Variants in CSMD1 observed in about 807,000 individuals in gnomAD.
CSMD1 encodes CUB and sushi domain-containing protein 1.
In CSMD1, 213 loss-of-function variants were observed where a neutral mutation model predicts 417.5. That is an observed-to-expected ratio of 0.51 (90% CI 0.46 to 0.57). The LOEUF (loss-of-function observed/expected upper bound fraction) is 0.57. CSMD1 is among the 20% of genes least tolerant of loss of function. The probability of loss-of-function intolerance (pLI) is 0.00; values close to 1 mark genes in which losing one functional copy is unlikely to be tolerated. For synonymous variants in CSMD1, 2,862 were observed against 1,736.8 expected, an observed-to-expected ratio of 1.65 and a Z score of -16.11; for missense variants, 6,923 against 4,529.7, an observed-to-expected ratio of 1.53 and a Z score of -15.17.
At chr8:4,912,372 T>C (rs1805749621) in intron 1 of CSMD1, among the ~76,000 whole-genome samples, 1 of 146,782 alleles carries the variant, frequency 6.8e-6, no homozygotes, top group Non-Finnish European at 1.5e-5. Flanking sequence ...TTTTTTTTTT[T>C]TTTCTTTTCA....
At chr8:3,878,084 G>C (rs529041676) in intron 5 of CSMD1, among the ~76,000 whole-genome samples, 3 of 151,922 alleles carry the variant, frequency 2.0e-5, no homozygotes, top group Non-Finnish European at 4.4e-5. Flanking sequence ...TTGAACATTT[G>C]CTATCAGCTT....
intron 3 of CSMD1, among the ~76,000 whole-genome samples, chr8:4,070,652 C>A (rs112866541): frequency 2.3e-4 from 35 of 152,066 alleles, no homozygotes; most frequent in Non-Finnish European, 4.9e-4. Flanking sequence ...CCACCGTGCC[C>A]GGCCACCACC....
At chr8:4,638,478 T>G (rs572257055) in intron 1 of CSMD1, among the ~76,000 whole-genome samples, 66 of 152,164 alleles carry the variant, frequency 4.3e-4, no homozygotes, top group African/African-American at 1.4e-3. Context: ...GACGCTAAAA[T>G]GAAAGAGCAG....
chr8:4,539,832 A>G lies in CSMD1; in HGVS notation c.302+97510T>C, dbSNP rs116997727. Among the ~76,000 whole-genome samples, 551 of 152,276 alleles carry G rather than the reference A, an allele frequency of 3.6e-3. 4 individuals carry two copies. Among genetic ancestry groups the G allele is most frequent in the South Asian group, 0.014 (66 of 4,834 alleles). ...ATGGGTTAAGCATTATGTGTATGAAATAGTTTTCCCAAACTCTTTTCTGGG... is the reference window on the plus strand; with the variant it reads ...ATGGGTTAAGCATTATGTGTATGAAGTAGTTTTCCCAAACTCTTTTCTGGG... On this transcript the variant is annotated intron_variant, in intron 2 of 69. Transcript: ENST00000635120.
chr8:4,925,260 G>A (rs1021743372), intron 1 of CSMD1, among the ~76,000 whole-genome samples: 3 of 78,818 alleles, frequency 3.8e-5, no homozygotes, highest in African/African-American at 1.4e-4. Flanking sequence ...CCCACTTTTG[G>A]TTCTGGGAAG....
chr8:4,118,121 T>A (rs1476282462), intron 3 of CSMD1, among the ~76,000 whole-genome samples: 1 of 151,902 alleles, frequency 6.6e-6, no homozygotes, highest in Non-Finnish European at 1.5e-5. Flanking sequence ...GTGTACAGAA[T>A]AGTGAGGAAA....
intron 6 of CSMD1, among the ~76,000 whole-genome samples, chr8:3,711,488 G>A (rs1391707733): frequency 2.0e-5 from 3 of 152,162 alleles, no homozygotes; most frequent in East Asian, 3.9e-4. Flanking sequence ...GTTCATGAAC[G>A]TCCTGCACTA....
intron 1 of CSMD1, among the ~76,000 whole-genome samples, chr8:4,645,634 AAG>A (rs569364147): frequency 7.8e-4 from 119 of 152,154 alleles, no homozygotes; most frequent in Non-Finnish European, 1.4e-3. Context: ...GACTGGCAAA[AAG>A]AGATGTCGAA....
chr8:3,270,662 A>C (rs1031756081), intron 26 of CSMD1, among the ~76,000 whole-genome samples: 2 of 152,208 alleles, frequency 1.3e-5, no homozygotes, highest in African/African-American at 4.8e-5. Context: ...CTACAGTATC[A>C]AGTACTTCTG....
intron 2 of CSMD1, among the ~76,000 whole-genome samples, chr8:4,533,195 C>G (rs771392050): frequency 2.0e-5 from 3 of 152,164 alleles, no homozygotes; most frequent in Non-Finnish European, 2.9e-5. Flanking sequence ...CATTTGTCAT[C>G]GTAGTACTAC....
intron 1 of CSMD1, among the ~76,000 whole-genome samples, chr8:4,784,146 C>T (rs912638761): frequency 6.6e-6 from 1 of 152,098 alleles, no homozygotes; most frequent in African/African-American, 2.4e-5. Context: ...AAGTCAGTTG[C>T]CTGATTCATA....
At chr8:3,328,013 C>T (rs892038552) in intron 23 of CSMD1, among the ~76,000 whole-genome samples, 6 of 152,146 alleles carry the variant, frequency 3.9e-5, no homozygotes, top group Admixed American at 6.5e-5. Flanking sequence ...CCAGCCAATT[C>T]GGGTTCCAGT....
At chr8:3,717,670 G>C (rs971502069) in intron 6 of CSMD1, among the ~76,000 whole-genome samples, 1 of 152,082 alleles carries the variant, frequency 6.6e-6, no homozygotes, top group Admixed American at 6.5e-5. Flanking sequence ...TATGTGCATT[G>C]TATATATAAG....
rs1256711480 is a variant in CSMD1 at position 3,772,528 on chromosome 8, TATATACATATATACAC to T, written c.819-18502_819-18487del. On this transcript the variant is annotated intron_variant, in intron 5 of 69. Transcript: ENST00000635120. ...ATACACATATATACATATATACACA[TATATACATATATACAC>T]ATATATACATATATACATATATATA... 5.1e-3 allele frequency among the ~76,000 whole-genome samples: 137 copies of T among 26,780 alleles called. 10 individuals are homozygous for T. The highest frequency in any genetic ancestry group is 8.8e-3 in the African/African-American group (123 of 14,052). 17.6% of individuals were successfully genotyped at this position (26,780 alleles called of 152,430 possible).
intron 2 of CSMD1, among the ~76,000 whole-genome samples, chr8:4,511,643 G>A (rs1274154039): frequency 6.6e-6 from 1 of 152,058 alleles, no homozygotes. Context: ...ATGGTACCAG[G>A]GCAGAAACCC....
chr8:3,648,447 G>C (rs913532824), intron 7 of CSMD1, among the ~76,000 whole-genome samples: 1 of 152,184 alleles, frequency 6.6e-6, no homozygotes, highest in Non-Finnish European at 1.5e-5. Flanking sequence ...TAATACTGGA[G>C]TACCTACATT....
At chr8:3,879,596 T>A (rs1295767309) in intron 5 of CSMD1, among the ~76,000 whole-genome samples, 2 of 152,178 alleles carry the variant, frequency 1.3e-5, no homozygotes, top group Admixed American at 6.6e-5. Flanking sequence ...GCTATCAGAA[T>A]GAGATTTGCT....
chr8:2,944,604 C>T (rs547785850), intron 68 of CSMD1, among the ~76,000 whole-genome samples: 89 of 152,170 alleles, frequency 5.8e-4, no homozygotes, highest in African/African-American at 1.9e-3. Context: ...TGTTTGGTTT[C>T]GTTTGGTTTG....
At chr8:3,849,865 T>G (rs144640042) in intron 5 of CSMD1, among the ~76,000 whole-genome samples, 4,090 of 152,194 alleles carry the variant, frequency 0.027, 77 homozygotes, top group African/African-American at 0.058. Context: ...GCCCAGGCTG[T>G]AGTACAGTGG....
Sources: allele counts gnomAD v4.1 joint callset (sites outside exome capture counted in the v4.1 genomes callset), GRCh38; gene constraint gnomAD v4.1.1; transcripts MANE v1.5; gene names NCBI Gene and HGNC (gene_info 2026-07-23, HGNC 2026-07-21).